The following PTPN4 variants were observed in gnomAD, a reference collection of about 807,000 sequenced individuals.
PTPN4 encodes the protein tyrosine-protein phosphatase non-receptor type 4.
PTPN4 carries 49 observed loss-of-function variants against 135.5 expected under a neutral mutation model. The observed-to-expected ratio is 0.36, with a 90% CI of 0.29 to 0.46. PTPN4 has a LOEUF of 0.46. PTPN4 is among the 20% of genes least tolerant of loss of function. PTPN4 has a pLI of 1.00. For synonymous variants in PTPN4, 333 were observed against 369.9 expected (o/e 0.90, Z 1.14); for missense variants, 860 against 1,101.0 (o/e 0.78, Z 3.10).
intron 20 of PTPN4, among the ~76,000 whole-genome samples, chr2:119,955,617 A>G (rs983460941): frequency 6.6e-5 from 10 of 152,190 alleles, no homozygotes; most frequent in Non-Finnish European, 1.2e-4. Context: ...AAGGTGGCAG[A>G]TGAAGATAGG....
intron 10 of PTPN4, among the ~76,000 whole-genome samples, chr2:119,908,423 A>G (rs1202448940): frequency 1.3e-5 from 2 of 152,198 alleles, no homozygotes; most frequent in African/African-American, 4.8e-5. Flanking sequence ...CAATAATTCA[A>G]AGTTTTTTAT....
At chr2:119,919,103 G>A (rs1678701444) in intron 11 of PTPN4, among the ~76,000 whole-genome samples, 1 of 152,178 alleles carries the variant, frequency 6.6e-6, no homozygotes, top group African/African-American at 2.4e-5. Flanking sequence ...GGATACTTCT[G>A]TGGTGGTAGT....
intron 1 of PTPN4, among the ~76,000 whole-genome samples, chr2:119,807,482 G>T (rs1166627404): frequency 6.6e-6 from 1 of 152,132 alleles, no homozygotes; most frequent in Admixed American, 6.5e-5. Context: ...TAGAAGAAAT[G>T]GATAAATTCC....
At chr2:119,770,760 T>G (rs1558720161) in intron 1 of PTPN4, among the ~76,000 whole-genome samples, 1 of 152,206 alleles carries the variant, frequency 6.6e-6, no homozygotes, top group Non-Finnish European at 1.5e-5. Context: ...AACTTTAAGT[T>G]TTAGACCCTT....
chr2:119,917,919 A>G (rs116136250), intron 11 of PTPN4, among the ~76,000 whole-genome samples: 3,657 of 152,248 alleles, frequency 0.024, 63 homozygotes, highest in Non-Finnish European at 0.033. Flanking sequence ...TTTTTGTTAC[A>G]TTTCAAATAT....
At chr2:119,881,856 AT>A in intron 6 of PTPN4, 26 bp downstream of exon 6, 4 of 1,470,726 alleles carry the variant, frequency 2.7e-6, no homozygotes, top group Middle Eastern at 1.8e-4. Flanking sequence ...TTCTTAAAAA[AT>A]TTTTTGTAAT....
chr2:119,882,792 T>G (rs1454147891), intron 8 of PTPN4, among the ~76,000 whole-genome samples, 169 bp downstream of exon 8: 1 of 152,158 alleles, frequency 6.6e-6, no homozygotes, highest in Non-Finnish European at 1.5e-5. Context: ...AACGATTTCA[T>G]AGAATATATG....
chr2:119,962,891 A>T, intron 24 of PTPN4, 147 bp downstream of exon 24: 2 of 595,908 alleles, frequency 3.4e-6, no homozygotes, highest in African/African-American at 3.8e-5. Flanking sequence ...GGTACTTTGG[A>T]ATTTTATTAA....
intron 8 of PTPN4, among the ~76,000 whole-genome samples, chr2:119,883,330 C>T (rs1221703399): frequency 6.6e-6 from 1 of 151,962 alleles, no homozygotes; most frequent in Non-Finnish European, 1.5e-5. Context: ...TAAGTATATG[C>T]AAATATTTCA....
intron 1 of PTPN4, among the ~76,000 whole-genome samples, chr2:119,766,173 T>C (rs1468962485): frequency 9.9e-5 from 15 of 152,138 alleles, no homozygotes; most frequent in Non-Finnish European, 2.9e-5. Context: ...ATAGCATTTG[T>C]GGCTTATCCC....
intron 2 of PTPN4, among the ~76,000 whole-genome samples, chr2:119,810,640 C>T (rs1691559861): frequency 6.6e-6 from 1 of 152,134 alleles, no homozygotes; most frequent in African/African-American, 2.4e-5. Flanking sequence ...ACAAATAATA[C>T]TGCTGTGAAC....
intron 2 of PTPN4, among the ~76,000 whole-genome samples, chr2:119,859,550 G>C (rs1014815793): frequency 1.2e-4 from 18 of 152,252 alleles, no homozygotes; most frequent in African/African-American, 4.1e-4. Flanking sequence ...CCTCCTGTCT[G>C]TTTGGGAGAC....
intron 1 of PTPN4, among the ~76,000 whole-genome samples, chr2:119,769,099 G>A (rs1440737014): frequency 3.3e-5 from 5 of 152,144 alleles, no homozygotes; most frequent in African/African-American, 4.8e-5. Flanking sequence ...GTTAGGAAGA[G>A]GCACACTGAC....
chr2:119,920,325 C>A (rs1461345305), intron 12 of PTPN4, 84 bp downstream of exon 12: 3 of 1,410,472 alleles, frequency 2.1e-6, no homozygotes, highest in Non-Finnish European at 2.9e-6. Context: ...TGGAACCATA[C>A]AACCTTTGTT....
chr2:119,776,917 G>A (rs548174061), intron 1 of PTPN4, among the ~76,000 whole-genome samples: 40 of 152,310 alleles, frequency 2.6e-4, no homozygotes, highest in Admixed American at 6.5e-4. Flanking sequence ...CAGTGCAGGG[G>A]TCAGTGCCCC....
chr2:119,845,257 G>GGGGAGA (rs1677476690), intron 2 of PTPN4, among the ~76,000 whole-genome samples: 1 of 110,376 alleles, frequency 9.1e-6, no homozygotes, highest in African/African-American at 3.3e-5. Flanking sequence ...GGAGGGGGAG[G>GGGGAGA]GGGAGGGGGA....
chr2:119,777,837 TA>T (rs1690864986), intron 1 of PTPN4, among the ~76,000 whole-genome samples: 1 of 151,830 alleles, frequency 6.6e-6, no homozygotes, highest in Non-Finnish European at 1.5e-5. Flanking sequence ...TTTTTTCCCC[TA>T]AGAGATGAGG....
chr2:119,824,296 C>T (rs140059758), intron 2 of PTPN4, among the ~76,000 whole-genome samples: 2 of 152,044 alleles, frequency 1.3e-5, no homozygotes, highest in African/African-American at 2.4e-5. Context: ...GGAGGCAGGG[C>T]GGTGGAAAGG....
chr2:119,943,537 G>GA (rs577186750), intron 15 of PTPN4, among the ~76,000 whole-genome samples: 21 of 148,404 alleles, frequency 1.4e-4, no homozygotes, highest in African/African-American at 4.5e-4. Flanking sequence ...ATGGGCAAGG[G>GA]AAAAAAGAAG....
Sources: gnomAD v4.1 joint callset for allele counts (sites outside exome capture counted in the v4.1 genomes callset) on GRCh38, gnomAD v4.1.1 for gene constraint, MANE v1.5 for transcripts, NCBI Gene and HGNC (gene_info 2026-07-23, HGNC 2026-07-21) for gene names.